CRABP1: variants seen among roughly 807,000 people sequenced by gnomAD.
CRABP1 encodes the protein cellular retinoic acid binding protein 1, also known as cellular retinoic acid-binding protein 1.
CRABP1 carries 9 observed loss-of-function variants against 16.4 expected under a neutral mutation model. That is an observed-to-expected ratio of 0.55 (90% confidence interval 0.33 to 0.96). The LOEUF is 0.96. Among genes scored for constraint, CRABP1 ranks in the 40% least tolerant of loss-of-function variants. CRABP1 has a pLI of 0.03. For missense variants in CRABP1, 157 were observed against 186.0 expected (o/e 0.84, Z 0.91); for synonymous variants, 72 against 70.4 (o/e 1.02, Z -0.11).
chr15:78,344,156 T>A (rs1406277322), intron 3 of CRABP1, among the ~76,000 whole-genome samples: 7 of 152,104 alleles, frequency 4.6e-5, no homozygotes, highest in African/African-American at 1.4e-4. Context: ...TGTGGAGAGA[T>A]GAGCCCCTGT....
In CRABP1 at chr15:78,340,407, T is replaced by G. The variant is rs1567138423; in HGVS notation, c.-22T>G. 1 of 1,577,318 alleles carries G rather than the reference T, an allele frequency of 6.3e-7. No individual in the cohort carries two copies. Among genetic ancestry groups the G allele is most frequent in the East Asian group, 2.3e-5 (1 of 43,608 alleles). ...CCGCTGCGCCGCCGCTGTCCGTACC[T>G]GCCGCCGCCGCCACCGCCACCATGC... is the stretch of plus-strand genomic sequence containing the variant. On this transcript the variant is annotated 5_prime_UTR_variant, in exon 1 of 4. Coordinates refer to ENST00000299529, the MANE Select transcript of CRABP1 (RefSeq NM_004378.3).
In CRABP1 at chr15:78,348,039, A is replaced by C; in HGVS notation, c.*62A>C. The C allele has an allele frequency of 6.6e-7, 1 of 1,516,386 alleles. No homozygotes were observed. Among genetic ancestry groups the C allele is most frequent in the Non-Finnish European group, 9.1e-7 (1 of 1,100,110 alleles). 93.9% of individuals were successfully genotyped at this position (1,516,386 alleles called of 1,614,324 possible). ...CAGGCTCCCCTGAGGAATATGTCAT[A>C]GTTCTGAGCTGCCAGTGGACCGCCC... On this transcript the variant is annotated 3_prime_UTR_variant, in exon 4 of 4. Coordinates refer to ENST00000299529, the MANE Select transcript of CRABP1 (RefSeq NM_004378.3).
In CRABP1 at chr15:78,348,135, C is replaced by A. The variant is rs1254048804; in HGVS notation, c.*158C>A. On this transcript the variant is annotated 3_prime_UTR_variant, in exon 4 of 4. Transcript: ENST00000299529. ...GTTGTAGTGTCCCCCACCCCCACCC[C>A]CCAGGCCTTGGTGCCTCTTGTATCC... 1 of 673,046 alleles carries A rather than the reference C, an allele frequency of 1.5e-6. No individual in the cohort carries two copies. Among genetic ancestry groups the A allele is most frequent in the Non-Finnish European group, 2.5e-6 (1 of 394,746 alleles). The allele number at this position is 673,046 out of a possible 1,614,324, so 41.7% of individuals were successfully genotyped here.
rs752572428 is a variant in CRABP1 at position 78,341,011 on chromosome 15, C to T, written c.71-32C>T. The T allele has an allele frequency of 3.2e-6, 5 of 1,583,718 alleles. No individual in the cohort carries two copies. The highest frequency in any genetic ancestry group is 4.3e-6 in the Non-Finnish European group (5 of 1,167,654). ...GGTCCCGAGACTGGCGGCGAGGCCCCGTGACCCAAGCCTGTGGTGCACCCT... is the reference window on the plus strand; with the variant it reads ...GGTCCCGAGACTGGCGGCGAGGCCCTGTGACCCAAGCCTGTGGTGCACCCT... On this transcript the variant is annotated intron_variant, in intron 1 of 3. Transcript: ENST00000299529. This position sits in a 1 kb window ranked among gnomAD's most constrained non-coding sequence, Gnocchi z 5.3.
At chr15:78,344,478 C>T (rs564957431) in intron 3 of CRABP1, among the ~76,000 whole-genome samples, 31 of 151,396 alleles carry the variant, frequency 2.0e-4, no homozygotes, top group Non-Finnish European at 3.8e-4. Flanking sequence ...AGTATTCAGA[C>T]GAAAACATTT....
chr15:78,340,523 C>G (rs1179490553), intron 1 of CRABP1, 25 bp downstream of exon 1: 1 of 1,597,582 alleles, frequency 6.3e-7, no homozygotes, highest in Non-Finnish European at 8.5e-7. Context: ...AGGGCGCGCC[C>G]CGACGGGGAG....
intron 2 of CRABP1, among the ~76,000 whole-genome samples, chr15:78,343,244 C>T (rs1231999615): frequency 6.6e-6 from 1 of 152,108 alleles, no homozygotes; most frequent in Non-Finnish European, 1.5e-5. Context: ...GGCCTCGCTG[C>T]TTCAGTAAGA....
Position 78,341,458 on chromosome 15 carries a change from G to A in CRABP1, c.249+237G>A. 1 of 526,168 alleles carries A rather than the reference G, an allele frequency of 1.9e-6. No homozygotes were observed. Among genetic ancestry groups the A allele is most frequent in the East Asian group, 3.6e-5 (1 of 28,098 alleles). 32.6% of individuals were successfully genotyped at this position (526,168 alleles called of 1,614,324 possible). ...TACGCTGCCTCCCGGGGTGCTAACAGCCGCGCTTAAAGAGCGGGCTCTGGG... is the reference window on the plus strand; with the variant it reads ...TACGCTGCCTCCCGGGGTGCTAACAACCGCGCTTAAAGAGCGGGCTCTGGG... On this transcript the variant is annotated intron_variant, in intron 2 of 3. Transcript: ENST00000299529. This position sits in a 1 kb window ranked among gnomAD's most constrained non-coding sequence, Gnocchi z 5.3.
At chr15:78,346,285 C>T (rs891349708) in intron 3 of CRABP1, among the ~76,000 whole-genome samples, 3 of 152,162 alleles carry the variant, frequency 2.0e-5, no homozygotes, top group Admixed American at 1.3e-4. Context: ...TGCAGAATCA[C>T]CTGCATTTCT....
At chr15:78,346,512 C>A (rs2141528738) in intron 3 of CRABP1, among the ~76,000 whole-genome samples, 1 of 152,160 alleles carries the variant, frequency 6.6e-6, no homozygotes, top group East Asian at 1.9e-4. Flanking sequence ...ACTAAAAATA[C>A]CCAAAAATTA....
Position 78,348,013 on chromosome 15 carries a change from G to A in CRABP1, c.*36G>A, listed in dbSNP as rs1402634913. On this transcript the variant is annotated 3_prime_UTR_variant, in exon 4 of 4. Transcript: ENST00000299529. ...CTTGCTCCTACTTTCAGGAAGGGAT[G>A]CAGGCTCCCCTGAGGAATATGTCAT... 2 of 1,603,594 alleles carry A rather than the reference G, an allele frequency of 1.2e-6. No individual in the cohort carries two copies. Among genetic ancestry groups the A allele is most frequent in the Admixed American group, 1.7e-5 (1 of 59,632 alleles).
At position 78,342,328 on chromosome 15, in the gene CRABP1, T is replaced by C. The variant is rs117874979; in HGVS notation, c.249+1107T>C. Among the ~76,000 whole-genome samples the C allele has an allele frequency of 1.4e-4, 21 of 152,134 alleles. No individual in the cohort carries two copies. In the East Asian group the frequency reaches 4.1e-3, roughly 29 times the overall value. ...AGGCTTGGCAATAGGCAGGGCTCAG[T>C]CTGGGGACATCCAATGTTGGCTACT... is the stretch of plus-strand genomic sequence containing the variant. On this transcript the variant is annotated intron_variant, in intron 2 of 3. Coordinates refer to ENST00000299529, the MANE Select transcript of CRABP1 (RefSeq NM_004378.3).
At chr15:78,347,736 C>A in intron 3 of CRABP1, 191 bp from the exon 4 acceptor site, 1 of 588,596 alleles carries the variant, frequency 1.7e-6, no homozygotes, top group Non-Finnish European at 3.0e-6. Context: ...ACTCTGGTTA[C>A]CTCTTTACCA....
In CRABP1 at chr15:78,340,516, G is replaced by A. The variant is rs1044927788; in HGVS notation, c.70+18G>A. ...GGCACTGGGTAAGCTGGTGCAGAGGGCGCGCCCCGACGGGGAGATGCGGCC... is the reference window on the plus strand; with the variant it reads ...GGCACTGGGTAAGCTGGTGCAGAGGACGCGCCCCGACGGGGAGATGCGGCC... On this transcript the variant is annotated intron_variant, in intron 1 of 3. Coordinates refer to ENST00000299529, the MANE Select transcript of CRABP1 (RefSeq NM_004378.3). The A allele has an allele frequency of 9.4e-6, 15 of 1,601,020 alleles. No individual in the cohort carries two copies. The highest frequency in any genetic ancestry group is 2.7e-5 in the African/African-American group (2 of 74,210).
rs2050275211 is a variant in CRABP1, at chr15:78,347,870, A to G, written c.364-57A>G. On this transcript the variant is annotated intron_variant, in intron 3 of 3. Transcript: ENST00000299529. ...AGTGGCCTTATTAGTGATATGCTTT[A>G]AACATTTTTGCACAGGCATCTGCAC... 6.4e-6 allele frequency: 10 copies of G among 1,555,602 alleles called. No homozygotes were observed. In the South Asian group the frequency reaches 1.1e-4, roughly 17 times the overall value.
chr15:78,342,000 AT>A lies in CRABP1; in HGVS notation c.249+791del, dbSNP rs550221322. On this transcript the variant is annotated intron_variant, in intron 2 of 3. Coordinates refer to ENST00000299529, the MANE Select transcript of CRABP1 (RefSeq NM_004378.3). The surrounding 1 kb of genome is among the most constrained non-coding windows in gnomAD (Gnocchi z 5.3). ...CAGAATGTCTCCCTCCCCTTCTCCA[AT>A]TTTTTTTTTTTAAAGAAAAAAGTCG... Among the ~76,000 whole-genome samples, 3,638 of 147,064 alleles carry A rather than the reference AT, an allele frequency of 0.025. 115 individuals are homozygous for A. Among genetic ancestry groups the A allele is most frequent in the African/African-American group, 0.072 (2,929 of 40,436 alleles).
chr15:78,340,826 G>A, intron 1 of CRABP1: 1 of 617,754 alleles, frequency 1.6e-6, no homozygotes, highest in Non-Finnish European at 2.8e-6. Context: ...CTCAAATTTG[G>A]GACCAGGCTC....
At chr15:78,344,590 C>T (rs541330857) in intron 3 of CRABP1, among the ~76,000 whole-genome samples, 1 of 152,048 alleles carries the variant, frequency 6.6e-6, no homozygotes, top group South Asian at 2.1e-4. Context: ...AGGTAGAGAA[C>T]AAAGGAAGGC....
At chr15:78,345,673 A>T (rs985049078) in intron 3 of CRABP1, among the ~76,000 whole-genome samples, 3 of 152,134 alleles carry the variant, frequency 2.0e-5, no homozygotes, top group African/African-American at 7.2e-5. Context: ...CCCTCCTCCC[A>T]ACTTCAGTTC....
Sources: gnomAD v4.1 joint callset for allele counts (sites outside exome capture counted in the v4.1 genomes callset) on GRCh38, gnomAD v4.1.1 for gene constraint, Gnocchi (gnomAD v3.1) non-coding constraint, MANE v1.5 for transcripts, NCBI Gene and HGNC (gene_info 2026-07-23, HGNC 2026-07-21) for gene names.